The following RARB variants were observed in gnomAD, a reference collection of about 807,000 sequenced individuals.
The protein encoded by RARB is retinoic acid receptor beta.
RARB carries 17 observed loss-of-function variants against 51.9 expected under a neutral mutation model. The observed-to-expected ratio is 0.33, with a 90% CI of 0.22 to 0.49. The LOEUF (loss-of-function observed/expected upper bound fraction) is 0.49. Ranked by LOEUF, RARB falls within the 20% of genes least tolerant of loss-of-function variation. RARB has a pLI of 0.99. For missense variants in RARB, 369 were observed against 550.8 expected (o/e 0.67, Z 3.30); for synonymous variants, 215 against 195.4 (o/e 1.10, Z -0.84).
rs1323031556 is a variant in RARB at position 24,949,525 on chromosome 3, C to T, written c.-380+90773C>T. Among the ~76,000 whole-genome samples, 3 of 152,130 alleles carry T rather than the reference C, an allele frequency of 2.0e-5. No individual in the cohort carries two copies. In the East Asian group the frequency reaches 5.8e-4, roughly 29 times the overall value. On this transcript the variant is annotated intron_variant, in intron 2 of 11. Transcript: ENST00000383772. The stretch of plus-strand genomic sequence containing the variant: ...TTCACATTTACGTTTTTATGCTCTC[C>T]ATAAGGATATATGTTGCATTAGAAA...
At chr3:25,290,278 A>G (rs1428049407) in intron 5 of RARB, among the ~76,000 whole-genome samples, 2 of 152,180 alleles carry the variant, frequency 1.3e-5, no homozygotes, top group African/African-American at 4.8e-5. Flanking sequence ...AATAGGACTA[A>G]CATCCTTATG....
intron 2 of RARB, among the ~76,000 whole-genome samples, chr3:24,939,109 A>T (rs1041290867): frequency 1.3e-5 from 2 of 151,934 alleles, no homozygotes; most frequent in Non-Finnish European, 2.9e-5. Flanking sequence ...CAGGCTCCTG[A>T]GTAGCTAGGA....
intron 3 of RARB, among the ~76,000 whole-genome samples, chr3:25,538,307 C>A (rs1164516283): frequency 1.3e-5 from 2 of 152,124 alleles, no homozygotes; most frequent in Admixed American, 1.3e-4. Flanking sequence ...TCAGTTATAT[C>A]ATTAAACCCA....
rs555542146 is a variant in RARB at position 25,100,731 on chromosome 3, C to T, written c.-327-31430C>T. On this transcript the variant is annotated intron_variant, in intron 3 of 11. Coordinates refer to the RARB transcript ENST00000383772. ...CACAGAAATTTTCATCCTGTGTTACCGTTCCATTTATACTAGGAGATTCCC... is the reference window on the plus strand; with the variant it reads ...CACAGAAATTTTCATCCTGTGTTACTGTTCCATTTATACTAGGAGATTCCC... Among the ~76,000 whole-genome samples, 6 of 152,150 alleles carry T rather than the reference C, an allele frequency of 3.9e-5. No individual in the cohort carries two copies. The East Asian group carries it at 7.7e-4, about 20-fold the overall frequency.
chr3:25,022,328 C>G (rs913103550), intron 2 of RARB, among the ~76,000 whole-genome samples: 2 of 152,158 alleles, frequency 1.3e-5, no homozygotes, highest in African/African-American at 4.8e-5. Flanking sequence ...AAATGAATCA[C>G]ATAGCTTGTG....
intron 3 of RARB, among the ~76,000 whole-genome samples, chr3:25,126,106 G>T (rs1032778437): frequency 3.9e-5 from 6 of 152,148 alleles, no homozygotes; most frequent in African/African-American, 1.4e-4. Flanking sequence ...CTGCTCTAGT[G>T]TGTGTGATAT....
chr3:25,532,234 A>G (rs906897354), intron 3 of RARB, among the ~76,000 whole-genome samples: 21 of 152,336 alleles, frequency 1.4e-4, no homozygotes, highest in African/African-American at 5.1e-4. Context: ...GTAGAGTAAT[A>G]TTGAATATCC....
Position 25,398,052 on chromosome 3 carries a change from G to A in RARB, c.179-63141G>A, listed in dbSNP as rs12330681. 4.3e-4 allele frequency among the ~76,000 whole-genome samples: 65 copies of A among 151,988 alleles called. 1 individual carries two copies. The highest frequency in any genetic ancestry group is 3.4e-3 in the Middle Eastern group (1 of 292). Reference sequence around the variant, plus strand: ...TGGGTGAAATTTCCCCTAATTTGGGGATTTGGATATGATATATTTTTACAT... The same window carrying A: ...TGGGTGAAATTTCCCCTAATTTGGGAATTTGGATATGATATATTTTTACAT... On this transcript the variant is annotated intron_variant, in intron 5 of 11. Transcript: ENST00000383772.
intron 3 of RARB, among the ~76,000 whole-genome samples, chr3:25,565,899 CTG>C (rs1052633395): frequency 6.6e-6 from 1 of 152,212 alleles, no homozygotes; most frequent in African/African-American, 2.4e-5. Flanking sequence ...GCTGTCTCCT[CTG>C]GAGTTGACCC....
intron 2 of RARB, among the ~76,000 whole-genome samples, chr3:24,941,223 A>G (rs1403452608): frequency 6.6e-6 from 1 of 151,172 alleles, no homozygotes; most frequent in African/African-American, 2.4e-5. Context: ...AGTGATTATT[A>G]GGGAAATGGG....
At chr3:25,211,339 T>G (rs1451685928) in intron 5 of RARB, among the ~76,000 whole-genome samples, 1 of 152,168 alleles carries the variant, frequency 6.6e-6, no homozygotes, top group East Asian at 1.9e-4. Flanking sequence ...TTAGTATAGA[T>G]TTGAGCCATT....
chr3:25,168,185 T>A (rs1700589317), intron 4 of RARB, among the ~76,000 whole-genome samples: 1 of 152,314 alleles, frequency 6.6e-6, no homozygotes, highest in Admixed American at 6.5e-5. Flanking sequence ...GTAAGCAGAA[T>A]AAAACACTGA....
intron 5 of RARB, among the ~76,000 whole-genome samples, chr3:25,347,930 T>G (rs923305086): frequency 1.3e-5 from 2 of 152,212 alleles, no homozygotes; most frequent in Admixed American, 6.5e-5. Context: ...CAGGAAAGTT[T>G]ATCTGATCTG....
chr3:25,031,976 T>G (rs1697885950), intron 2 of RARB, among the ~76,000 whole-genome samples: 2 of 152,208 alleles, frequency 1.3e-5, no homozygotes, highest in African/African-American at 4.8e-5. Context: ...GTTGATAATT[T>G]ATTATTCCTC....
intron 5 of RARB, among the ~76,000 whole-genome samples, chr3:25,385,542 G>A (rs1706768484): frequency 6.6e-6 from 1 of 152,146 alleles, no homozygotes; most frequent in Non-Finnish European, 1.5e-5. Context: ...CCTGGAGTAA[G>A]CCTCAGTTTC....
chr3:25,050,744 C>A (rs902765486), intron 2 of RARB, among the ~76,000 whole-genome samples: 1 of 152,174 alleles, frequency 6.6e-6, no homozygotes, highest in Non-Finnish European at 1.5e-5. Flanking sequence ...TGTGCTCATT[C>A]TTCCTCCCCC....
At chr3:25,258,005 T>G (rs1702908588) in intron 5 of RARB, among the ~76,000 whole-genome samples, 1 of 152,158 alleles carries the variant, frequency 6.6e-6, no homozygotes, top group Non-Finnish European at 1.5e-5. Flanking sequence ...GTTGTAATGA[T>G]CCATTTGTGT....
chr3:25,419,580 GCA>G (rs1559392951), intron 5 of RARB, among the ~76,000 whole-genome samples: 1 of 152,176 alleles, frequency 6.6e-6, no homozygotes, highest in Non-Finnish European at 1.5e-5. Flanking sequence ...TGTCCCATCA[GCA>G]CAGAGAGTCT....
At chr3:25,096,241 G>A (rs1699289873) in intron 3 of RARB, among the ~76,000 whole-genome samples, 1 of 152,148 alleles carries the variant, frequency 6.6e-6, no homozygotes, top group Non-Finnish European at 1.5e-5. Flanking sequence ...TGTGACAATA[G>A]TTTGTGAAAG....
Sources: gnomAD v4.1 joint callset for allele counts (sites outside exome capture counted in the v4.1 genomes callset) on GRCh38, gnomAD v4.1.1 for gene constraint, MANE v1.5 for transcripts, NCBI Gene and HGNC (gene_info 2026-07-23, HGNC 2026-07-21) for gene names.